WDR90: variants seen among roughly 807,000 people sequenced by gnomAD.
WDR90 encodes WD repeat domain 90.
A neutral mutation model predicts 195.2 loss-of-function variants in WDR90; 238 were observed. The observed-to-expected ratio is 1.22, with a 90% CI of 1.10 to 1.36. The LOEUF is 1.36. WDR90 is among the 40% of genes most tolerant of loss of function. The pLI is 0.00. For missense variants in WDR90, 2,734 were observed against 2,439.5 expected (o/e 1.12, Z -2.54); for synonymous variants, 1,265 against 1,052.4 (o/e 1.20, Z -3.91).
intron 23 of WDR90, 86 bp from the exon 24 acceptor site, chr16:658,810 G>T: frequency 6.3e-7 from 1 of 1,578,674 alleles, no homozygotes; most frequent in Non-Finnish European, 8.6e-7. Flanking sequence ...CTCACACTGT[G>T]TGGGGCTCAC....
intron 1 of WDR90, 74 bp downstream of exon 1, chr16:649,500 C>T: frequency 7.9e-7 from 1 of 1,271,448 alleles, no homozygotes; most frequent in East Asian, 3.2e-5. Context: ...GCGGCCGGAG[C>T]GCTCAGGGCC....
At chr16:651,546 A>C in intron 7 of WDR90, 98 bp from the exon 8 acceptor site, 4 of 1,208,660 alleles carry the variant, frequency 3.3e-6, no homozygotes, top group Non-Finnish European at 4.7e-6. Flanking sequence ...AGAGCCGGTG[A>C]GGCTGGGCCA....
In WDR90 at chr16:660,600, CCTTCCTCGCAGGGCA is replaced by C; in HGVS notation, c.3289-8_3295del. ...CTGGGCCCCAGCAGCATCCGGGTCT[CCTTCCTCGCAGGGCA>C]CTTGCCCGCCTCCCGCCAGCGGTGG... On this transcript the variant is annotated splice_acceptor_variant and splice_polypyrimidine_tract_variant and coding_sequence_variant and intron_variant, in exon 28 of 41. Transcript: ENST00000293879. LOFTEE classifies it high-confidence loss of function. 1 of 1,557,660 alleles carries C rather than the reference CCTTCCTCGCAGGGCA, an allele frequency of 6.4e-7. No homozygotes were observed. Among genetic ancestry groups the C allele is most frequent in the Non-Finnish European group, 8.7e-7 (1 of 1,151,262 alleles).
In WDR90 at chr16:660,087, C is replaced by T; in HGVS notation, c.3214C>T (p.Pro1072Ser). 3.2e-6 allele frequency: 5 copies of T among 1,547,514 alleles called. No individual in the cohort carries two copies. The highest frequency in any genetic ancestry group is 4.8e-5 in the East Asian group (2 of 41,366). Residue 1072 changes from proline to serine, a missense_variant, in exon 27 of 41, where the codon CCA becomes TCA. By Grantham distance (74) the Pro-to-Ser change is moderately conservative. Transcript: ENST00000293879. ...CAGGGACACCAGGAATTCGGGGGCCCCACGCACCACCTACCTGGCTTCCTG... is the reference window on the plus strand; with the variant it reads ...CAGGGACACCAGGAATTCGGGGGCCTCACGCACCACCTACCTGGCTTCCTG... ...GARDTRNSGA[P>S]RTTYLASCKA... is the part of the protein sequence containing the mutation.
chr16:658,700 C>T (rs758533392), intron 23 of WDR90, 47 bp downstream of exon 23: 9 of 1,591,444 alleles, frequency 5.7e-6, no homozygotes, highest in Admixed American at 3.4e-5. Context: ...GGAGCCTCCT[C>T]AGGTGGCCCT....
chr16:652,342 C>G, intron 9 of WDR90, 125 bp from the exon 10 acceptor site: 1 of 1,183,182 alleles, frequency 8.5e-7, no homozygotes. Context: ...CAGGAGCCAC[C>G]CAGGACCAGG....
Position 662,209 on chromosome 16 carries a change from C to G in WDR90, c.4034-11C>G, listed in dbSNP as rs2037931825. ...GCAGCCGTGGCCCCTTATGGCTCCTCCTGCCCCTAGGGCTGTTGCTGTTCT... is the reference window on the plus strand; with the variant it reads ...GCAGCCGTGGCCCCTTATGGCTCCTGCTGCCCCTAGGGCTGTTGCTGTTCT... On this transcript the variant is annotated splice_polypyrimidine_tract_variant and intron_variant, in intron 32 of 40. Transcript: ENST00000293879. The G allele has an allele frequency of 1.3e-6, 2 of 1,542,522 alleles. No homozygotes were observed. Among genetic ancestry groups the G allele is most frequent in the Non-Finnish European group, 8.7e-7 (1 of 1,143,464 alleles).
chr16:656,578 G>A (rs1318266091), intron 18 of WDR90, 41 bp downstream of exon 18: 3 of 1,568,014 alleles, frequency 1.9e-6, no homozygotes, highest in Non-Finnish European at 2.6e-6. Flanking sequence ...AGGGCCGGGA[G>A]GTCCTGAAGC....
rs2037793266 is a variant in WDR90, at chr16:657,796, C to CGG, written c.2508_2509insGG (p.Ser837GlyfsTer23). On this transcript the variant is annotated frameshift_variant, in exon 21 of 41. Coordinates refer to ENST00000293879, the MANE Select transcript of WDR90 (RefSeq NM_145294.5). LOFTEE classifies it high-confidence loss of function. ...TATGCCCGGATGCCCCCGCGAGCCCCAGCGCCCTGGCAGTCAGCAGGGATG... is the reference window on the plus strand; with the variant it reads ...TATGCCCGGATGCCCCCGCGAGCCCCGGAGCGCCCTGGCAGTCAGCAGGGATG... The CGG allele has an allele frequency of 1.3e-6, 2 of 1,554,686 alleles. No homozygotes were observed. Among genetic ancestry groups the CGG allele is most frequent in the East Asian group, 4.8e-5 (2 of 41,482 alleles).
At position 659,259 on chromosome 16, in the gene WDR90, C is replaced by A; in HGVS notation, c.3067C>A (p.Pro1023Thr). The A allele has an allele frequency of 2.5e-6, 4 of 1,611,422 alleles. No individual in the cohort carries two copies. Among genetic ancestry groups the A allele is most frequent in the Non-Finnish European group, 3.4e-6 (4 of 1,179,474 alleles). Residue 1023 changes from proline (P) to threonine (T), a missense_variant, in exon 26 of 41, where the codon CCG becomes ACG. Pro to Thr is a conservative substitution (Grantham distance 38). Transcript: ENST00000293879. ...PACKTGPGAGPLEDAASRASE... is the reference protein window; with the variant it reads ...PACKTGPGAGTLEDAASRASE... ...TTCTTCCCCAGGCCCGGGCGCAGGA[C>A]CGCTGGAGGACGCAGCGTCCAGGGC...
rs201229493 is a variant in WDR90, at chr16:652,523, C to G, written c.1110C>G (p.His370Gln). The G allele has an allele frequency of 6.2e-7, 1 of 1,608,778 alleles. No individual in the cohort carries two copies. The highest frequency in any genetic ancestry group is 8.5e-7 in the Non-Finnish European group (1 of 1,177,392). The change falls in exon 10 of 41, where the codon CAC becomes CAG. Residue 370 changes from histidine to glutamine, a missense_variant. Transcript: ENST00000293879. ...AGGGCGTCATCGGCTTTGGGGGCCACGGCACCAGACAGGTGAGGCTCCTGC... is the reference window on the plus strand; with the variant it reads ...AGGGCGTCATCGGCTTTGGGGGCCAGGGCACCAGACAGGTGAGGCTCCTGC... The part of the protein sequence containing the change: ...RLKGVIGFGG[H>Q]GTRQALWTPD...
intron 34 of WDR90, chr16:665,156 C>CA: frequency 8.8e-6 from 2 of 226,118 alleles, no homozygotes; most frequent in Non-Finnish European, 9.1e-6. Flanking sequence ...CATTTCCCCC[C>CA]AATCAGCGTG....
chr16:651,736 A>T lies in WDR90; in HGVS notation c.829A>T (p.Ser277Cys). The T allele has an allele frequency of 6.2e-7, 1 of 1,613,096 alleles. No individual in the cohort carries two copies. Among genetic ancestry groups the T allele is most frequent in the Non-Finnish European group, 8.5e-7 (1 of 1,179,984 alleles). The change falls in exon 8 of 41, where the codon AGC becomes TGC. Residue 277 changes from serine (S) to cysteine (C), a missense_variant. Ser to Cys is a moderately radical substitution (Grantham distance 112, BLOSUM62 -1). Transcript: ENST00000293879. Reference protein sequence around the residue: ...FSVSPVVQTPSPTASGRAALA... With the variant: ...FSVSPVVQTPCPTASGRAALA... ...TGTGTCTCCAGTGGTCCAGACGCCC[A>T]GCCCCACAGCCGTGAGTACCCCCTT...
At chr16:660,990 GC>G in intron 28 of WDR90, 60 bp from the exon 29 acceptor site, 2 of 21,756 alleles carry the variant, frequency 9.2e-5, no homozygotes, top group South Asian at 1.3e-3. Context: ...CCCTCCCCAG[GC>G]CCCTCCCCGC....
chr16:656,469 C>T lies in WDR90; in HGVS notation c.2134C>T (p.Arg712Trp), dbSNP rs377285837. 42 of 1,588,570 alleles carry T rather than the reference C, an allele frequency of 2.6e-5. No homozygotes were observed. Among genetic ancestry groups the T allele is most frequent in the Admixed American group, 2.6e-4 (15 of 57,970 alleles). Residue 712 changes from arginine to tryptophan, a missense_variant, in exon 18 of 41, where the codon CGG (arginine) becomes TGG (tryptophan). Transcript: ENST00000293879. Reference sequence around the variant, plus strand: ...GTTGGCCCTCGCCATGGAGCAGAGGCGGGGACAGCTGGCCACCGTGTCCCA... The same window carrying T: ...GTTGGCCCTCGCCATGGAGCAGAGGTGGGGACAGCTGGCCACCGTGTCCCA... ...PVLALAMEQR[R>W]GQLATVSQDR...
chr16:661,424 A>T lies in WDR90; in HGVS notation c.3596A>T (p.Gln1199Leu). The T allele has an allele frequency of 6.2e-7, 1 of 1,612,468 alleles. No individual in the cohort carries two copies. The highest frequency in any genetic ancestry group is 8.5e-7 in the Non-Finnish European group (1 of 1,179,892). ...RVWDVSGGLC[Q>L]HLIFPHSTTV... ...TGGGACGTGTCTGGCGGCCTCTGCC[A>T]GCATCTCATTTTCCCCCATAGCACC... The change falls in exon 30 of 41, where the codon CAG becomes CTG. Residue 1199 changes from glutamine (Q) to leucine (L), a missense_variant. Coordinates refer to ENST00000293879, the MANE Select transcript of WDR90 (RefSeq NM_145294.5).
In WDR90 at chr16:661,637, C is replaced by T. The variant is rs2037917304; in HGVS notation, c.3714C>T (p.Ala1238=). The T allele has an allele frequency of 2.5e-6, 4 of 1,605,800 alleles. No homozygotes were observed. The highest frequency in any genetic ancestry group is 2.7e-5 in the African/African-American group (2 of 74,870). The change falls in exon 31 of 41, where the codon GCC becomes GCT. Residue 1238 remains alanine (A), a synonymous_variant. Transcript: ENST00000293879. Reference sequence around the variant, plus strand: ...GCACCCTCGCCCTGTGGGGCACGGCCACCTATGACCTCGTGTCCTCCACCC... The same window carrying T: ...GCACCCTCGCCCTGTGGGGCACGGCTACCTATGACCTCGTGTCCTCCACCC... The part of the protein sequence containing the change: ...DGRTLALWGT[A]TYDLVSSTRL...
Position 657,879 on chromosome 16 carries a change from C to G in WDR90, c.2591C>G (p.Ala864Gly), listed in dbSNP as rs1389074497. The G allele has an allele frequency of 6.3e-7, 1 of 1,582,536 alleles. No individual in the cohort carries two copies. Among genetic ancestry groups the G allele is most frequent in the East Asian group, 2.3e-5 (1 of 43,556 alleles). The change falls in exon 21 of 41, where the codon GCC becomes GGC. Residue 864 changes from alanine to glycine, a missense_variant. By Grantham distance (60) the Ala-to-Gly change is moderately conservative (BLOSUM62 0). Transcript: ENST00000293879. ...TGCACAGTGACAGTCATGGGCTCGG[C>G]CTCCCTTGATGAGGTGAGTCCGCAG... The part of the protein sequence containing the change: ...SRCTVTVMGS[A>G]SLDELLRVDI...
At chr16:660,484 C>T (rs2037872359) in intron 27 of WDR90, 128 bp from the exon 28 acceptor site, 1 of 941,176 alleles carries the variant, frequency 1.1e-6, no homozygotes, top group Non-Finnish European at 1.6e-6. Flanking sequence ...ACCCCAGCTT[C>T]CCCGTCTGCC....
Sources: gnomAD v4.1 joint callset for allele counts on GRCh38, gnomAD v4.1.1 for gene constraint, MANE v1.5 for transcripts, NCBI Gene and HGNC (gene_info 2026-07-23, HGNC 2026-07-21) for gene names.